MAST4: variants seen among roughly 807,000 people sequenced by gnomAD.
The protein encoded by MAST4 is microtubule associated serine/threonine kinase family member 4, also known as microtubule-associated serine/threonine-protein kinase 4.
MAST4 carries 89 observed loss-of-function variants against 162.7 expected under a neutral mutation model. The ratio of observed to expected loss-of-function variants is 0.55; its 90% confidence interval spans 0.46 to 0.65. The LOEUF (loss-of-function observed/expected upper bound fraction) is 0.65. Among genes scored for constraint, MAST4 ranks in the 30% least tolerant of loss-of-function variants. The pLI is 0.00. For missense variants in MAST4, 3,153 were observed against 3,374.0 expected (o/e 0.93, Z 1.62); for synonymous variants, 1,479 against 1,361.1 (o/e 1.09, Z -1.91).
chr5:67,033,783 G>T (rs1157443551), intron 4 of MAST4, among the ~76,000 whole-genome samples: 1 of 152,098 alleles, frequency 6.6e-6, no homozygotes, highest in Non-Finnish European at 1.5e-5. Flanking sequence ...ACCACATTCA[G>T]TGATAAGCAA....
intron 4 of MAST4, among the ~76,000 whole-genome samples, chr5:66,945,346 T>C (rs564408594): frequency 4.4e-4 from 67 of 152,256 alleles, no homozygotes; most frequent in African/African-American, 1.4e-3. Flanking sequence ...ACAGTTCACA[T>C]TCCGGGGTTG....
intron 4 of MAST4, among the ~76,000 whole-genome samples, chr5:67,029,419 C>T (rs1033197830): frequency 1.3e-5 from 2 of 152,074 alleles, no homozygotes; most frequent in African/African-American, 2.4e-5. Flanking sequence ...GAGTAATATT[C>T]GGGATGTAAA....
intron 24 of MAST4, among the ~76,000 whole-genome samples, chr5:67,150,807 CT>C (rs1252107058): frequency 6.6e-6 from 1 of 152,154 alleles, no homozygotes; most frequent in Non-Finnish European, 1.5e-5. Context: ...ATCTCTTCCC[CT>C]GTCCTTTGAT....
chr5:67,082,650 G>A (rs900799669), intron 5 of MAST4, among the ~76,000 whole-genome samples: 2 of 152,134 alleles, frequency 1.3e-5, no homozygotes, highest in Non-Finnish European at 2.9e-5. Flanking sequence ...TAATAACATT[G>A]TATCAATATT....
chr5:66,746,091 A>C lies in MAST4; in HGVS notation c.364-13618A>C, dbSNP rs78408027. Among the ~76,000 whole-genome samples the C allele has an allele frequency of 4.1e-3, 631 of 152,290 alleles. 14 individuals carry two copies. Among genetic ancestry groups the C allele is most frequent in the Admixed American group, 0.031 (478 of 15,296 alleles). ...TGTCTGGGCCTCCATCTTCCAGTAA[A>C]ACCAGGAAATTAGACTACAGATGAT... is the stretch of plus-strand genomic sequence containing the variant. On this transcript the variant is annotated intron_variant, in intron 1 of 28. Coordinates refer to ENST00000403625, the MANE Select transcript of MAST4 (RefSeq NM_001164664.2).
chr5:67,133,419 AAT>A, intron 16 of MAST4, 93 bp from the exon 17 acceptor site: 2 of 1,374,194 alleles, frequency 1.5e-6, no homozygotes, highest in Non-Finnish European at 2.0e-6. Flanking sequence ...CCATATATTA[AAT>A]AGTCTTAGAA....
At chr5:67,043,723 A>G (rs975385186) in intron 4 of MAST4, among the ~76,000 whole-genome samples, 1 of 152,248 alleles carries the variant, frequency 6.6e-6, no homozygotes, top group African/African-American at 2.4e-5. Context: ...GTTAAAAACA[A>G]AAAACAACTT....
intron 6 of MAST4, among the ~76,000 whole-genome samples, chr5:67,095,021 G>A (rs1318664790): frequency 1.3e-5 from 2 of 152,182 alleles, no homozygotes; most frequent in Non-Finnish European, 2.9e-5. Flanking sequence ...ACTCTTAAGA[G>A]ATTCTAAGCA....
At chr5:66,877,271 A>G (rs180985356) in intron 3 of MAST4, among the ~76,000 whole-genome samples, 7 of 152,320 alleles carry the variant, frequency 4.6e-5, no homozygotes, top group Admixed American at 2.6e-4. Context: ...AAGTACTGCT[A>G]TGGGGAGCAA....
Position 67,078,926 on chromosome 5 carries a change from A to AT in MAST4, c.764-11235dup, listed in dbSNP as rs1561622344. Among the ~76,000 whole-genome samples, 19 of 87,734 alleles carry AT rather than the reference A, an allele frequency of 2.2e-4. 1 individual carries two copies. The highest frequency in any genetic ancestry group is 1.0e-3 in the African/African-American group (19 of 18,350). 57.6% of individuals were successfully genotyped at this position (87,734 alleles called of 152,430 possible). ...TTTTTATATAAATATATATATATATATATATATATATATATATATATATAT... is the reference window on the plus strand; with the variant it reads ...TTTTTATATAAATATATATATATATATTATATATATATATATATATATATAT... On this transcript the variant is annotated intron_variant, in intron 5 of 28. Coordinates refer to ENST00000403625, the MANE Select transcript of MAST4 (RefSeq NM_001164664.2).
chr5:66,780,823 A>G (rs568636195), intron 2 of MAST4, among the ~76,000 whole-genome samples: 12 of 152,096 alleles, frequency 7.9e-5, no homozygotes, highest in African/African-American at 2.2e-4. Flanking sequence ...GCATTTTTAC[A>G]GAGTGCGGAT....
chr5:66,765,719 T>C (rs1225093996), intron 2 of MAST4, among the ~76,000 whole-genome samples: 1 of 152,168 alleles, frequency 6.6e-6, no homozygotes, highest in African/African-American at 2.4e-5. Context: ...TACAGAACAG[T>C]ATAATGAAAA....
Position 67,090,211 on chromosome 5 carries a change from C to T in MAST4, c.813C>T (p.Ala271=). 1 of 1,612,882 alleles carries T rather than the reference C, an allele frequency of 6.2e-7. No homozygotes were observed. The highest frequency in any genetic ancestry group is 8.5e-7 in the Non-Finnish European group (1 of 1,179,252). The change falls in exon 6 of 29, where the codon GCC becomes GCT. Residue 271 remains alanine (A), a synonymous_variant. Coordinates refer to ENST00000403625, the MANE Select transcript of MAST4 (RefSeq NM_001164664.2). ...SPRNFSPSAS[A]HFSFARRTDG... ...GAAATTTCTCCCCCAGTGCCTCAGC[C>T]CATTTTTCATTTGCACGGAGGTAAG...
chr5:66,742,408 A>C (rs570458799), intron 1 of MAST4, among the ~76,000 whole-genome samples: 1 of 152,238 alleles, frequency 6.6e-6, no homozygotes, highest in East Asian at 1.9e-4. Context: ...CTTATTGGCT[A>C]AGATTAGTTG....
At chr5:66,796,261 A>G (rs1057059535) in intron 3 of MAST4, among the ~76,000 whole-genome samples, 2 of 152,262 alleles carry the variant, frequency 1.3e-5, no homozygotes, top group South Asian at 2.1e-4. Flanking sequence ...ATGGGTAATT[A>G]GTAGGCATGT....
intron 1 of MAST4, among the ~76,000 whole-genome samples, chr5:66,751,579 A>T (rs1209203008): frequency 1.3e-5 from 2 of 151,936 alleles, no homozygotes; most frequent in East Asian, 3.8e-4. Flanking sequence ...TGAAGCGAGA[A>T]GGGAAGTTTA....
chr5:66,966,387 ATTAG>A (rs1746736094), intron 4 of MAST4, among the ~76,000 whole-genome samples: 1 of 152,250 alleles, frequency 6.6e-6, no homozygotes, highest in Non-Finnish European at 1.5e-5. Context: ...TAGAAGATGT[ATTAG>A]TTACAGTGCT....
chr5:66,703,169 G>A (rs778908431), intron 1 of MAST4, among the ~76,000 whole-genome samples: 6 of 152,086 alleles, frequency 3.9e-5, no homozygotes, highest in Non-Finnish European at 5.9e-5. Context: ...GGGGGTAGGA[G>A]GCTCTCAGCT....
intron 13 of MAST4, among the ~76,000 whole-genome samples, chr5:67,119,104 T>C (rs1767269440): frequency 6.6e-6 from 1 of 152,120 alleles, no homozygotes; most frequent in Admixed American, 6.5e-5. Context: ...GCTGGATGCT[T>C]AGGTCCCTGT....
Sources: allele counts gnomAD v4.1 joint callset (sites outside exome capture counted in the v4.1 genomes callset), GRCh38; gene constraint gnomAD v4.1.1; transcripts MANE v1.5; gene names NCBI Gene and HGNC (gene_info 2026-07-23, HGNC 2026-07-21).